Variants in OGA observed in about 807,000 individuals in gnomAD.
The protein encoded by OGA is O-GlcNAcase.
Under a neutral mutation model 102.0 loss-of-function variants are expected in OGA, and 21 were observed. The ratio of observed to expected loss-of-function variants is 0.21; its 90% CI spans 0.15 to 0.30. OGA has a LOEUF of 0.30. OGA is among the 10% of genes least tolerant of loss of function. The probability of loss-of-function intolerance (pLI) is 1.00; values close to 1 mark genes in which losing one functional copy is unlikely to be tolerated. For synonymous variants in OGA, 408 were observed against 378.2 expected, an observed-to-expected ratio of 1.08 and a Z score of -0.91; for missense variants, 765 against 1,107.8, an observed-to-expected ratio of 0.69 and a Z score of 4.39.
intron 6 of OGA, 26 bp from the exon 7 acceptor site, chr10:101,804,045 A>C (rs1464095799): frequency 6.3e-7 from 1 of 1,591,090 alleles, no homozygotes; most frequent in East Asian, 2.2e-5. Flanking sequence ...ACCGTTCGTT[A>C]AAAGAATCAT....
chr10:101,805,721 C>G (rs1394057984), intron 6 of OGA, among the ~76,000 whole-genome samples: 2 of 150,440 alleles, frequency 1.3e-5, no homozygotes, highest in African/African-American at 4.9e-5. Context: ...TTTGGGAGGC[C>G]AAGGCGGGTG....
chr10:101,797,935 G>C, intron 10 of OGA, 45 bp downstream of exon 10: 1 of 1,566,894 alleles, frequency 6.4e-7, no homozygotes, highest in Non-Finnish European at 8.8e-7. Context: ...TTTTTTTAAA[G>C]GGACAATATA....
chr10:101,790,277 T>G (rs987921524), intron 14 of OGA, among the ~76,000 whole-genome samples: 5 of 143,970 alleles, frequency 3.5e-5, no homozygotes, highest in East Asian at 4.0e-4. Context: ...TTTTTTTTTT[T>G]TTTTTTTTTT....
At chr10:101,807,369 A>G (rs941160411) in intron 5 of OGA, among the ~76,000 whole-genome samples, 2 of 152,210 alleles carry the variant, frequency 1.3e-5, no homozygotes, top group Non-Finnish European at 1.5e-5. Context: ...AGGGACAGAT[A>G]TGCATGGGCA....
At chr10:101,817,669 G>A (rs2065655305) in intron 1 of OGA, among the ~76,000 whole-genome samples, 155 bp downstream of exon 1, 1 of 152,124 alleles carries the variant, frequency 6.6e-6, no homozygotes. Context: ...AAGGAGATTC[G>A]CCCAACATCT....
intron 8 of OGA, 48 bp downstream of exon 8, chr10:101,800,194 A>T (rs748626999): frequency 1.3e-6 from 2 of 1,569,912 alleles, no homozygotes; most frequent in Admixed American, 3.4e-5. Context: ...TTACTTTGTG[A>T]CTCAACTATG....
Position 101,786,371 on chromosome 10 carries a change from CTGAACTGTA to C in OGA, c.*71_*79del. On this transcript the variant is annotated 3_prime_UTR_variant, in exon 16 of 16. Transcript: ENST00000361464. The stretch of plus-strand genomic sequence containing the variant: ...GGCTGATTTGTTACCATTCTAGAGG[CTGAACTGTA>C]TGAAGACCTCAACTACCATTCACAA... 7.3e-7 allele frequency: 1 copy of C among 1,375,348 alleles called. No homozygotes were observed. Among genetic ancestry groups the C allele is most frequent in the Non-Finnish European group, 9.6e-7 (1 of 1,040,024 alleles). The allele number at this position is 1,375,348 out of a possible 1,614,324, so 85.2% of individuals were successfully genotyped here. A position where few individuals can be genotyped will look rare whatever the true frequency, so the allele number is the denominator to read the frequency against.
chr10:101,815,663 T>A (rs944807633), intron 1 of OGA, among the ~76,000 whole-genome samples: 6 of 151,154 alleles, frequency 4.0e-5, no homozygotes, highest in East Asian at 1.9e-4. Flanking sequence ...ATTTTTTTTT[T>A]AAGGAGTAGG....
At chr10:101,811,339 A>C (rs1041488859) in intron 3 of OGA, among the ~76,000 whole-genome samples, 1 of 149,322 alleles carries the variant, frequency 6.7e-6, no homozygotes, top group African/African-American at 2.5e-5. Flanking sequence ...CAGTGAGCCA[A>C]GATCGCACCA....
At chr10:101,804,298 A>G (rs1263033569) in intron 6 of OGA, among the ~76,000 whole-genome samples, 1 of 141,030 alleles carries the variant, frequency 7.1e-6, no homozygotes, top group Non-Finnish European at 1.5e-5. Context: ...TTTGAGACAG[A>G]GTCTCGCTGT....
chr10:101,815,535 C>T (rs1589843320), intron 1 of OGA, among the ~76,000 whole-genome samples: 1 of 152,094 alleles, frequency 6.6e-6, no homozygotes, highest in African/African-American at 2.4e-5. Context: ...CCGCCCGCCT[C>T]GGCCTCCCAA....
chr10:101,802,936 C>G (rs573850896), intron 7 of OGA, among the ~76,000 whole-genome samples: 5 of 138,542 alleles, frequency 3.6e-5, no homozygotes, highest in Non-Finnish European at 6.0e-5. Context: ...GTCAGGAGTT[C>G]GAGACCAGTC....
At chr10:101,787,645 C>G in intron 14 of OGA, 122 bp from the exon 15 acceptor site, 1 of 781,596 alleles carries the variant, frequency 1.3e-6, no homozygotes, top group Non-Finnish European at 2.0e-6. Context: ...TGTAAATTAT[C>G]TCACACAGGA....
At chr10:101,817,731 G>C in intron 1 of OGA, 93 bp downstream of exon 1, 1 of 1,386,704 alleles carries the variant, frequency 7.2e-7, no homozygotes, top group South Asian at 1.3e-5. Context: ...GAGGCTTTCC[G>C]GCCTTTTAGA....
At chr10:101,809,934 T>G (rs2135086694) in intron 4 of OGA, among the ~76,000 whole-genome samples, 1 of 151,854 alleles carries the variant, frequency 6.6e-6, no homozygotes, top group East Asian at 1.9e-4. Flanking sequence ...TCCCAGCTAC[T>G]CGGGAAGCTG....
intron 7 of OGA, 95 bp from the exon 8 acceptor site, chr10:101,800,495 T>C: frequency 1.1e-6 from 1 of 905,646 alleles, no homozygotes; most frequent in East Asian, 2.5e-5. Context: ...TTTCACAGTA[T>C]AACCACAGAA....
At position 101,799,077 on chromosome 10, in the gene OGA, G is replaced by T; in HGVS notation, c.1574C>A (p.Ala525Asp). ...TGTCTGTTCATCAGTTTGCATGGGG[G>T]CAATGTCACTAATACAATCTTCTTG... The part of the protein sequence containing the change: ...SMQEDCISDI[A>D]PMQTDEQTNK... Residue 525 changes from alanine (A) to aspartate (D), a missense_variant, in exon 9 of 16, where the codon GCC becomes GAC. Physicochemically the swap from Ala to Asp is moderately radical, Grantham distance 126 (BLOSUM62 -2). Around this residue, in one of 7 missense-constraint regions of OGA, gnomAD observed 281 missense variants for 345.8 expected, o/e 0.81. Transcript: ENST00000361464. The T allele has an allele frequency of 6.2e-7, 1 of 1,614,202 alleles. No individual in the cohort carries two copies. Among genetic ancestry groups the T allele is most frequent in the Non-Finnish European group, 8.5e-7 (1 of 1,180,036 alleles).
chr10:101,786,720 C>T (rs1198142533), intron 15 of OGA, 133 bp from the exon 16 acceptor site: 2 of 758,216 alleles, frequency 2.6e-6, no homozygotes, highest in Non-Finnish European at 3.8e-6. Flanking sequence ...ACATTTCACA[C>T]AATTAAAAAA....
At position 101,818,023 on chromosome 10, in the gene OGA, C is replaced by T. The variant is rs771507667; in HGVS notation, c.-1G>A. On this transcript the variant is annotated 5_prime_UTR_variant, in exon 1 of 16. Coordinates refer to ENST00000361464, the MANE Select transcript of OGA (RefSeq NM_012215.5). ...TCGCTTGACTCTCCTTCTGCACCAT[C>T]CTCCTGCCCCCGGCCGCTGCCACCT... The T allele has an allele frequency of 2.5e-6, 4 of 1,574,628 alleles. No individual in the cohort carries two copies. Among genetic ancestry groups the T allele is most frequent in the South Asian group, 1.1e-5 (1 of 87,982 alleles).
Sources: gnomAD v4.1 joint callset for allele counts (sites outside exome capture counted in the v4.1 genomes callset) on GRCh38, gnomAD v4.1.1 for gene constraint, gnomAD v4.1.1 regional missense constraint, MANE v1.5 for transcripts, NCBI Gene and HGNC (gene_info 2026-07-23, HGNC 2026-07-21) for gene names.